Variants in ZNF300 observed in about 807,000 individuals in gnomAD.
ZNF300 encodes the protein zinc finger protein 300.
In ZNF300, 6 loss-of-function variants were observed where a neutral mutation model predicts 13.9. The observed-to-expected ratio is 0.43, with a 90% confidence interval of 0.24 to 0.85. The LOEUF (loss-of-function observed/expected upper bound fraction) is 0.85. ZNF300 is among the 40% of genes least tolerant of loss of function. The pLI is 0.25. For synonymous variants in ZNF300, 237 were observed against 242.2 expected, an observed-to-expected ratio of 0.98 and a Z score of 0.20; for missense variants, 662 against 714.2, an observed-to-expected ratio of 0.93 and a Z score of 0.83.
In ZNF300 at chr5:150,896,202, A is replaced by C. The variant is rs141611335; in HGVS notation, c.1037T>G (p.Val346Gly). Residue 346 changes from valine (V) to glycine (G), a missense_variant, in exon 6 of 6, where the codon GTT becomes GGT. Val to Gly is a moderately radical substitution (Grantham distance 109). Transcript: ENST00000274599. Reference protein sequence around the residue: ...QKSSLIIHQRVHTGEKPYECS... With the variant: ...QKSSLIIHQRGHTGEKPYECS... ...TTCATAGGGTTTTTCCCCAGTGTGA[A>C]CTCTCTGATGTATAATAAGGGACGA... The C allele has an allele frequency of 8.1e-6, 13 of 1,613,254 alleles. No individual in the cohort carries two copies. The African/African-American group carries it at 1.7e-4, about 22-fold the overall frequency.
At position 150,896,807 on chromosome 5, in the gene ZNF300, G is replaced by A. The variant is rs1445487916; in HGVS notation, c.432C>T (p.Leu144=). The change falls in exon 6 of 6, where the codon CTC becomes CTT. Residue 144 remains leucine (L), a synonymous_variant. Transcript: ENST00000274599. The stretch of plus-strand genomic sequence containing the variant: ...TGTTAACAAATGTGACCTGCCTGAA[G>A]AGTTTGTCTTGATTCTCTAGAAATC... ...LQRFLENQDK[L]FRQVTFVNSK... 1 of 1,613,748 alleles carries A rather than the reference G, an allele frequency of 6.2e-7. No individual in the cohort carries two copies. Among genetic ancestry groups the A allele is most frequent in the Non-Finnish European group, 8.5e-7 (1 of 1,179,770 alleles).
rs376384382 is a variant in ZNF300, at chr5:150,895,426, A to C, written c.1813T>G (p.Ter605GluextTer1). ...AAGGCTTTTCTGTGGCCAGTTCATT[A>C]TGATTTTACCACTGTGTGAATTCTC... ...HQRIHTVVKS[*>E] is the part of the protein sequence containing the mutation. The change falls in exon 6 of 6, where the codon TAA (stop) becomes GAA (glutamate). Residue 605 changes from the stop codon to glutamate, a stop_lost. Transcript: ENST00000274599. The C allele has an allele frequency of 1.3e-6, 2 of 1,587,852 alleles. No homozygotes were observed. Among genetic ancestry groups the C allele is most frequent in the African/African-American group, 2.7e-5 (2 of 73,982 alleles).
At chr5:150,898,621 A>C in intron 3 of ZNF300, 67 bp from the exon 4 acceptor site, 1 of 1,468,236 alleles carries the variant, frequency 6.8e-7, no homozygotes, top group Non-Finnish European at 9.2e-7. Context: ...AATGTGCACA[A>C]CTACATCCAC....
In ZNF300 at chr5:150,895,344, C is replaced by G; in HGVS notation, c.*80G>C. The stretch of plus-strand genomic sequence containing the variant: ...AATTTTTATCTATTGGGATGTTGTC[C>G]CCAAGCTTATCAAATTAATTGGGTT... On this transcript the variant is annotated 3_prime_UTR_variant, in exon 6 of 6. Coordinates refer to ENST00000274599, the MANE Select transcript of ZNF300 (RefSeq NM_052860.4). The G allele has an allele frequency of 8.5e-7, 1 of 1,172,186 alleles. No homozygotes were observed. The highest frequency in any genetic ancestry group is 1.2e-6 in the Non-Finnish European group (1 of 855,080). 72.6% of individuals were successfully genotyped at this position (1,172,186 alleles called of 1,614,324 possible).
At position 150,896,992 on chromosome 5, in the gene ZNF300, CAATTT is replaced by C. The variant is rs781568980; in HGVS notation, c.266-24_266-20del. ...TTCCTGTCTAAAAGAAGAAAAGATA[CAATTT>C]AAGAGTCATCACAAGAGTCAATTAA... On this transcript the variant is annotated intron_variant, in intron 5 of 5. Transcript: ENST00000274599. The C allele has an allele frequency of 6.3e-7, 1 of 1,580,814 alleles. No homozygotes were observed. Among genetic ancestry groups the C allele is most frequent in the Non-Finnish European group, 8.6e-7 (1 of 1,162,278 alleles).
At position 150,895,701 on chromosome 5, in the gene ZNF300, C is replaced by A; in HGVS notation, c.1538G>T (p.Arg513Ile). 6.2e-7 allele frequency: 1 copy of A among 1,613,606 alleles called. No individual in the cohort carries two copies. The highest frequency in any genetic ancestry group is 1.3e-5 in the African/African-American group (1 of 75,008). Residue 513 changes from arginine to isoleucine, a missense_variant, in exon 6 of 6, where the codon AGA (arginine) becomes ATA (isoleucine). Physicochemically the swap from Arg to Ile is moderately conservative, Grantham distance 97. Transcript: ENST00000274599. Reference protein sequence around the residue: ...CQKSHLIGHQRIHTGEKPYIC... With the variant: ...CQKSHLIGHQIIHTGEKPYIC... Reference sequence around the variant, plus strand: ...ATAAGGTTTTTCTCCTGTGTGAATTCTCTGATGTCCAATGAGATGTGACTT... The same window carrying A: ...ATAAGGTTTTTCTCCTGTGTGAATTATCTGATGTCCAATGAGATGTGACTT...
At position 150,896,085 on chromosome 5, in the gene ZNF300, T is replaced by A. The variant is rs765108536; in HGVS notation, c.1154A>T (p.Glu385Val). The A allele has an allele frequency of 1.9e-6, 3 of 1,613,564 alleles. No individual in the cohort carries two copies. The highest frequency in any genetic ancestry group is 1.7e-5 in the Admixed American group (1 of 59,872). The change falls in exon 6 of 6, where the codon GAG (glutamate) becomes GTG (valine). Residue 385 changes from glutamate (E) to valine (V), a missense_variant. Coordinates refer to ENST00000274599, the MANE Select transcript of ZNF300 (RefSeq NM_052860.4). The part of the protein sequence containing the change: ...HTGEKPYECR[E>V]CGKAFSQKSQ... ...CTTCTGGGAAAAGGCCTTCCCACAC[T>A]CTCTACATTCATAGGGTTTTTCCCC... is the stretch of plus-strand genomic sequence containing the variant.
At position 150,895,914 on chromosome 5, in the gene ZNF300, C is replaced by T; in HGVS notation, c.1325G>A (p.Cys442Tyr). ...TGTCTTCCTGCTGAAGGCTTCCTCA[C>T]ATTGAGCACATTTGTAGGGTTTCTC... ...TGEKPYKCAQCEEAFSRKTEL... is the reference protein window; with the variant it reads ...TGEKPYKCAQYEEAFSRKTEL... The change falls in exon 6 of 6, where the codon TGT becomes TAT. Residue 442 changes from cysteine (C) to tyrosine (Y), a missense_variant. Transcript: ENST00000274599. The T allele has an allele frequency of 6.2e-7, 1 of 1,613,564 alleles. No homozygotes were observed. The highest frequency in any genetic ancestry group is 8.5e-7 in the Non-Finnish European group (1 of 1,179,820).
chr5:150,895,274 C>A lies in ZNF300; in HGVS notation c.*150G>T. 1 of 536,334 alleles carries A rather than the reference C, an allele frequency of 1.9e-6. No homozygotes were observed. Among genetic ancestry groups the A allele is most frequent in the Non-Finnish European group, 3.2e-6 (1 of 310,000 alleles). 33.2% of individuals were successfully genotyped at this position (536,334 alleles called of 1,614,324 possible). ...ATATAACTATTTTCCATCATCTTTG[C>A]TGGAAAAGTTAGGCATCACCAAACT... On this transcript the variant is annotated 3_prime_UTR_variant, in exon 6 of 6. Coordinates refer to ENST00000274599, the MANE Select transcript of ZNF300 (RefSeq NM_052860.4).
Position 150,896,455 on chromosome 5 carries a change from C to G in ZNF300, c.784G>C (p.Val262Leu). The change falls in exon 6 of 6, where the codon GTG becomes CTG. Residue 262 changes from valine (V) to leucine (L), a missense_variant. Val to Leu is a conservative substitution (Grantham distance 32, BLOSUM62 1). Coordinates refer to ENST00000274599, the MANE Select transcript of ZNF300 (RefSeq NM_052860.4). ...ACACAGCTTTTCTCTTTAGTTTCCA[C>G]ATTCTGATATTGAATAAGGGATTGT... ...NTQSLIQYQNVETKEKSCVCV... is the reference protein window; with the variant it reads ...NTQSLIQYQNLETKEKSCVCV... The G allele has an allele frequency of 6.2e-7, 1 of 1,613,544 alleles. No individual in the cohort carries two copies. Among genetic ancestry groups the G allele is most frequent in the South Asian group, 1.1e-5 (1 of 91,044 alleles).
chr5:150,899,305 TA>T (rs1374151428), intron 3 of ZNF300, among the ~76,000 whole-genome samples: 1 of 151,842 alleles, frequency 6.6e-6, no homozygotes, highest in Non-Finnish European at 1.5e-5. Flanking sequence ...TCTGATGGAA[TA>T]AAAATTTAAA....
chr5:150,895,393 C>G lies in ZNF300; in HGVS notation c.*31G>C. On this transcript the variant is annotated 3_prime_UTR_variant, in exon 6 of 6. Transcript: ENST00000274599. ...TTTCTAGTAATTATTAAGGCTTGAG[C>G]TAATACTAAGGCTTTTCTGTGGCCA... The G allele has an allele frequency of 2.7e-6, 4 of 1,496,650 alleles. No homozygotes were observed. The highest frequency in any genetic ancestry group is 3.6e-6 in the Non-Finnish European group (4 of 1,106,136). 92.7% of individuals were successfully genotyped at this position (1,496,650 alleles called of 1,614,324 possible). A position where few individuals can be genotyped will look rare whatever the true frequency, so the allele number is the denominator to read the frequency against.
intron 2 of ZNF300, 192 bp from the exon 3 acceptor site, chr5:150,903,374 CCT>C: frequency 6.5e-7 from 1 of 1,543,844 alleles, no homozygotes; most frequent in Non-Finnish European, 8.7e-7. Flanking sequence ...ATTCTTTACT[CCT>C]CTTGTACCTA....
At chr5:150,900,350 T>C (rs879732562) in intron 3 of ZNF300, among the ~76,000 whole-genome samples, 1 of 152,080 alleles carries the variant, frequency 6.6e-6, no homozygotes, top group Non-Finnish European at 1.5e-5. Context: ...CTGCCCTTTC[T>C]ACTTTTACAA....
chr5:150,897,905 CAACA>C, intron 5 of ZNF300, 153 bp downstream of exon 5: 2 of 791,216 alleles, frequency 2.5e-6, no homozygotes, highest in Non-Finnish European at 3.9e-6. Context: ...ACAGGATCAA[CAACA>C]AATAGAACTC....
chr5:150,898,028 C>G, intron 5 of ZNF300, 34 bp downstream of exon 5: 1 of 1,597,214 alleles, frequency 6.3e-7, no homozygotes, highest in Non-Finnish European at 8.5e-7. Context: ...AGGCACCAAT[C>G]AATTAAAAAA....
rs929687524 is a variant in ZNF300 at position 150,895,179 on chromosome 5, C to G, written c.*245G>C. The G allele has an allele frequency of 5.3e-6, 2 of 378,392 alleles. No homozygotes were observed. The highest frequency in any genetic ancestry group is 4.2e-5 in the African/African-American group (2 of 48,160). 23.4% of individuals were successfully genotyped at this position (378,392 alleles called of 1,614,324 possible). The stretch of plus-strand genomic sequence containing the variant: ...ACTTGACAATATTCTGTATGCTTAA[C>G]TTGCTGTGCTGATCACTGAGTTCAT... On this transcript the variant is annotated 3_prime_UTR_variant, in exon 6 of 6. Coordinates refer to ENST00000274599, the MANE Select transcript of ZNF300 (RefSeq NM_052860.4).
chr5:150,897,903 A>C, intron 5 of ZNF300, 159 bp downstream of exon 5: 1 of 772,576 alleles, frequency 1.3e-6, no homozygotes, highest in Non-Finnish European at 2.0e-6. Context: ...AGACAGGATC[A>C]ACAACAAATA....
chr5:150,903,612 G>A (rs751687658), intron 2 of ZNF300, among the ~76,000 whole-genome samples: 3 of 152,170 alleles, frequency 2.0e-5, no homozygotes, highest in Non-Finnish European at 4.4e-5. Flanking sequence ...ACTGAGGCAT[G>A]TGTTCCCTAT....
Sources: allele counts gnomAD v4.1 joint callset (sites outside exome capture counted in the v4.1 genomes callset), GRCh38; gene constraint gnomAD v4.1.1; transcripts MANE v1.5; gene names NCBI Gene and HGNC (gene_info 2026-07-23, HGNC 2026-07-21).